The following HECTD2 variants were observed in gnomAD, a reference collection of about 807,000 sequenced individuals.
HECTD2 encodes the protein probable E3 ubiquitin-protein ligase HECTD2.
HECTD2 carries 35 observed loss-of-function variants against 103.2 expected under a neutral mutation model. The ratio of observed to expected loss-of-function variants is 0.34; its 90% CI spans 0.26 to 0.45. HECTD2 has a LOEUF of 0.45. Ranked by LOEUF, HECTD2 falls within the 20% of genes least tolerant of loss-of-function variation. The pLI is 1.00. For synonymous variants in HECTD2, 281 were observed against 329.9 expected (o/e 0.85, Z 1.61); for missense variants, 596 against 937.4 (o/e 0.64, Z 4.76).
At position 91,500,519 on chromosome 10, in the gene HECTD2, G is replaced by A. The variant is rs1458894383; in HGVS notation, c.1968G>A (p.Glu656=). The part of the protein sequence containing the change: ...SNALMLLRPE[E]VEILVCGSPD... ...ATTGGCAGCTGCTTCGTCCAGAAGA[G>A]GTTGAAATTTTGGTCTGTGGAAGTC... is the stretch of plus-strand genomic sequence containing the variant. The change falls in exon 19 of 21, where the codon GAG becomes GAA. Residue 656 remains glutamate (E), a synonymous_variant. Coordinates refer to ENST00000298068, the MANE Select transcript of HECTD2 (RefSeq NM_182765.6). The A allele has an allele frequency of 2.5e-6, 4 of 1,590,358 alleles. No individual in the cohort carries two copies. The highest frequency in any genetic ancestry group is 2.2e-5 in the East Asian group (1 of 44,768).
chr10:91,509,096 G>A (rs1847316917), intron 20 of HECTD2, among the ~76,000 whole-genome samples: 1 of 142,670 alleles, frequency 7.0e-6, no homozygotes, highest in African/African-American at 2.6e-5. Flanking sequence ...GACACAGGAA[G>A]GGGAACATCA....
chr10:91,502,296 C>T (rs1011492757), intron 20 of HECTD2, among the ~76,000 whole-genome samples: 5 of 152,142 alleles, frequency 3.3e-5, no homozygotes, highest in Non-Finnish European at 5.9e-5. Flanking sequence ...GCCTTTCTTC[C>T]TCCATGCTTT....
chr10:91,478,483 C>A (rs1845985400), intron 6 of HECTD2, among the ~76,000 whole-genome samples: 2 of 152,098 alleles, frequency 1.3e-5, no homozygotes, highest in Admixed American at 1.3e-4. Flanking sequence ...ATAAAAAGAT[C>A]TGTGAATTCT....
chr10:91,481,002 C>T, intron 6 of HECTD2, 92 bp from the exon 7 acceptor site: 3 of 752,690 alleles, frequency 4.0e-6, no homozygotes, highest in Non-Finnish European at 6.6e-6. Flanking sequence ...TTTCTCAACT[C>T]AGTCTTCATA....
intron 2 of HECTD2, among the ~76,000 whole-genome samples, chr10:91,432,492 T>C (rs1275732875): frequency 1.3e-5 from 2 of 151,954 alleles, no homozygotes; most frequent in Admixed American, 6.6e-5. Flanking sequence ...TGATATCTCT[T>C]CAGAGAAACA....
intron 2 of HECTD2, among the ~76,000 whole-genome samples, chr10:91,458,037 A>AAC (rs140899600): frequency 0.084 from 12,432 of 148,094 alleles, 1,225 homozygotes; most frequent in African/African-American, 0.24. Context: ...AAAAAAAAAA[A>AAC]CCCATGAAAT....
intron 12 of HECTD2, 119 bp downstream of exon 12, chr10:91,491,426 T>G: frequency 1.9e-6 from 1 of 530,782 alleles, no homozygotes; most frequent in Non-Finnish European, 3.3e-6. Context: ...CCTTAAATTC[T>G]TTTGAAGATC....
At chr10:91,409,649 C>G (rs945521385), upstream of HECTD2, among the ~76,000 whole-genome samples, 7 of 152,186 alleles carry the variant, frequency 4.6e-5, no homozygotes, top group Non-Finnish European at 1.0e-4. Context: ...CTCCTCCCCA[C>G]CTCCAGGCTT....
At chr10:91,465,634 A>G (rs1441518140) in intron 5 of HECTD2, among the ~76,000 whole-genome samples, 8 of 151,312 alleles carry the variant, frequency 5.3e-5, no homozygotes, top group Non-Finnish European at 1.0e-4. Flanking sequence ...GATAATTTTT[A>G]TCATGAATGG....
intron 2 of HECTD2, among the ~76,000 whole-genome samples, chr10:91,437,878 G>T (rs1589480408): frequency 6.6e-6 from 1 of 151,770 alleles, no homozygotes; most frequent in African/African-American, 2.4e-5. Flanking sequence ...AGATGAAAGT[G>T]ATCTAAGAAA....
At position 91,487,871 on chromosome 10, in the gene HECTD2, C is replaced by A; in HGVS notation, c.1191+93C>A. 1 of 795,058 alleles carries A rather than the reference C, an allele frequency of 1.3e-6. No homozygotes were observed. The highest frequency in any genetic ancestry group is 3.0e-5 in the Admixed American group (1 of 33,424). The allele number at this position is 795,058 out of a possible 1,614,324, so 49.3% of individuals were successfully genotyped here. On this transcript the variant is annotated intron_variant, in intron 11 of 20. Transcript: ENST00000298068. This position sits in a 1 kb window ranked among gnomAD's most constrained non-coding sequence, Gnocchi z 4.1. ...TTAAATGTCTTGTGAATTGTTCTAG[C>A]ATAATCAGGAATGTTAAAAGCAAAA... is the stretch of plus-strand genomic sequence containing the variant.
At chr10:91,439,611 C>T (rs538667568) in intron 2 of HECTD2, among the ~76,000 whole-genome samples, 1 of 152,176 alleles carries the variant, frequency 6.6e-6, no homozygotes, top group East Asian at 1.9e-4. Flanking sequence ...TTTTCTAATT[C>T]TGTGAAGAAA....
chr10:91,436,724 T>TA (rs1314259123), intron 2 of HECTD2, among the ~76,000 whole-genome samples: 1 of 152,046 alleles, frequency 6.6e-6, no homozygotes, highest in African/African-American at 2.4e-5. Context: ...CCTTCCCCGT[T>TA]ATATTCCCAG....
intron 5 of HECTD2, among the ~76,000 whole-genome samples, chr10:91,471,457 G>A (rs1845724463): frequency 6.6e-6 from 1 of 152,134 alleles, no homozygotes; most frequent in African/African-American, 2.4e-5. Context: ...ATAGTACTGG[G>A]AGTCTTAGCC....
At chr10:91,503,394 C>G (rs575026851) in intron 20 of HECTD2, among the ~76,000 whole-genome samples, 63 of 152,330 alleles carry the variant, frequency 4.1e-4, no homozygotes, top group Middle Eastern at 6.8e-3. Context: ...GAGTGCCAGA[C>G]AGTGGGCGCA....
chr10:91,481,624 G>A (rs1423707200), intron 7 of HECTD2, among the ~76,000 whole-genome samples: 4 of 151,440 alleles, frequency 2.6e-5, no homozygotes, highest in East Asian at 1.9e-4. Flanking sequence ...GTTATAAAGC[G>A]AAGATAATGA....
At chr10:91,477,944 T>C (rs1845967058) in intron 5 of HECTD2, among the ~76,000 whole-genome samples, 1 of 152,202 alleles carries the variant, frequency 6.6e-6, no homozygotes, top group Admixed American at 6.5e-5. Flanking sequence ...TATATAAAAA[T>C]TCTGTTGGTC....
At chr10:91,461,577 C>T (rs755359732) in intron 4 of HECTD2, among the ~76,000 whole-genome samples, 1 of 151,980 alleles carries the variant, frequency 6.6e-6, no homozygotes, top group Non-Finnish European at 1.5e-5. Flanking sequence ...GAGATGGAGT[C>T]TCACTCTGTT....
chr10:91,485,229 C>CTATAATTCTACATTGG lies in HECTD2; in HGVS notation c.1021_1036dup (p.Asp346ValfsTer2). ...CTCCCCTTATTCCTTATACTGATTT[C>CTATAATTCTACATTGG]TATAATTCTACATTGGATCACATTG... is the stretch of plus-strand genomic sequence containing the variant. On this transcript the variant is annotated frameshift_variant, in exon 10 of 21. Coordinates refer to ENST00000298068, the MANE Select transcript of HECTD2 (RefSeq NM_182765.6). LOFTEE classifies it high-confidence loss of function. 1 of 1,582,420 alleles carries CTATAATTCTACATTGG rather than the reference C, an allele frequency of 6.3e-7. No individual in the cohort carries two copies. The highest frequency in any genetic ancestry group is 8.6e-7 in the Non-Finnish European group (1 of 1,159,220).
Sources: allele counts gnomAD v4.1 joint callset (sites outside exome capture counted in the v4.1 genomes callset), GRCh38; gene constraint gnomAD v4.1.1; non-coding constraint Gnocchi (gnomAD v3.1); transcripts MANE v1.5; gene names NCBI Gene and HGNC (gene_info 2026-07-23, HGNC 2026-07-21).